The following DNAH9 variants were observed in gnomAD, a reference collection of about 807,000 sequenced individuals.
DNAH9 encodes the protein DNAH9 variant protein.
DNAH9 carries 345 observed loss-of-function variants against 471.6 expected under a neutral mutation model. The ratio of observed to expected loss-of-function variants is 0.73; its 90% CI spans 0.67 to 0.80. The LOEUF (loss-of-function observed/expected upper bound fraction) is 0.80, where lower values mean the gene tolerates loss of function less well. Among genes scored for constraint, DNAH9 ranks in the 30% least tolerant of loss-of-function variants. The probability of loss-of-function intolerance (pLI) is 0.00; values close to 1 mark genes in which losing one functional copy is unlikely to be tolerated. For missense variants in DNAH9, 5,407 were observed against 5,609.2 expected, an observed-to-expected ratio of 0.96 and a Z score of 1.15; for synonymous variants, 2,093 against 2,123.6, an observed-to-expected ratio of 0.99 and a Z score of 0.40.
At chr17:11,748,065 G>A (rs1348236626) in intron 32 of DNAH9, among the ~76,000 whole-genome samples, 6 of 147,558 alleles carry the variant, frequency 4.1e-5, no homozygotes, top group African/African-American at 1.2e-4. Context: ...AACACTTTGG[G>A]AAGCGGAGGT....
At chr17:11,877,879 C>T (rs928793344) in intron 53 of DNAH9, among the ~76,000 whole-genome samples, 2 of 152,062 alleles carry the variant, frequency 1.3e-5, no homozygotes, top group Admixed American at 6.5e-5. Context: ...GGATCACAGG[C>T]GTGTGCCACT....
At chr17:11,803,360 A>G (rs1305432234) in intron 43 of DNAH9, among the ~76,000 whole-genome samples, 1 of 151,656 alleles carries the variant, frequency 6.6e-6, no homozygotes, top group East Asian at 1.9e-4. Context: ...TGCCCTGAGA[A>G]TCTTACCCAT....
chr17:11,625,359 A>G (rs1295091135), intron 6 of DNAH9, among the ~76,000 whole-genome samples: 2 of 152,060 alleles, frequency 1.3e-5, no homozygotes, highest in Non-Finnish European at 2.9e-5. Context: ...TCTTTCTACC[A>G]TCTCCAGCCA....
chr17:11,737,697 G>A (rs941105564), intron 28 of DNAH9, among the ~76,000 whole-genome samples: 1 of 152,076 alleles, frequency 6.6e-6, no homozygotes, highest in Non-Finnish European at 1.5e-5. Flanking sequence ...TATCTGACTG[G>A]GCCAAGCTTC....
intron 19 of DNAH9, among the ~76,000 whole-genome samples, chr17:11,688,101 G>GAAAA (rs35919862): frequency 8.5e-6 from 1 of 117,244 alleles, no homozygotes. Flanking sequence ...AAAAAAAAAA[G>GAAAA]AAAAAGCCAT....
At chr17:11,649,258 T>C (rs1294279585) in intron 12 of DNAH9, among the ~76,000 whole-genome samples, 1 of 152,216 alleles carries the variant, frequency 6.6e-6, no homozygotes, top group South Asian at 2.1e-4. Context: ...ATGTAAATCA[T>C]TTAAATTATT....
chr17:11,669,401 A>G lies in DNAH9; in HGVS notation c.2960A>G (p.Asn987Ser). Reference protein sequence around the residue: ...VDLDGIPDLANMRRTLMERVQ... With the variant: ...VDLDGIPDLASMRRTLMERVQ... ...CTGGACGGTATACCAGATTTGGCAAACATGCGGCGCACACTCATGGAGAGA... is the reference window on the plus strand; with the variant it reads ...CTGGACGGTATACCAGATTTGGCAAGCATGCGGCGCACACTCATGGAGAGA... The change falls in exon 17 of 69, where the codon AAC becomes AGC. Residue 987 changes from asparagine to serine, a missense_variant. Physicochemically the swap from Asn to Ser is conservative, Grantham distance 46. Coordinates refer to ENST00000262442, the MANE Select transcript of DNAH9 (RefSeq NM_001372.4). 1 of 1,613,502 alleles carries G rather than the reference A, an allele frequency of 6.2e-7. No individual in the cohort carries two copies.
At chr17:11,806,917 T>C (rs1268364693) in intron 43 of DNAH9, among the ~76,000 whole-genome samples, 1 of 152,174 alleles carries the variant, frequency 6.6e-6, no homozygotes, top group Non-Finnish European at 1.5e-5. Context: ...GACATACGAT[T>C]GGAAGCGGAT....
At position 11,679,851 on chromosome 17, in the gene DNAH9, G is replaced by C. The variant is rs769014466; in HGVS notation, c.3448G>C (p.Gly1150Arg). Residue 1150 changes from glycine (G) to arginine (R), a missense_variant, in exon 18 of 69, where the codon GGA becomes CGA. Gly to Arg is a moderately radical substitution (Grantham distance 125, BLOSUM62 -2). Coordinates refer to ENST00000262442, the MANE Select transcript of DNAH9 (RefSeq NM_001372.4). ...GDFQGLVEIM[G>R]HLMAVKERQS... ...TTTCCAAGGCTTGGTTGAGATCATGGGACACCTTATGGCTGTTAAAGAACG... is the reference window on the plus strand; with the variant it reads ...TTTCCAAGGCTTGGTTGAGATCATGCGACACCTTATGGCTGTTAAAGAACG... The C allele has an allele frequency of 6.2e-7, 1 of 1,614,096 alleles. No individual in the cohort carries two copies. Among genetic ancestry groups the C allele is most frequent in the East Asian group, 2.2e-5 (1 of 44,868 alleles).
intron 15 of DNAH9, among the ~76,000 whole-genome samples, chr17:11,666,895 G>A (rs1437507435): frequency 6.6e-6 from 1 of 152,140 alleles, no homozygotes; most frequent in African/African-American, 2.4e-5. Flanking sequence ...CTATGACATT[G>A]TTGAGGGCAT....
chr17:11,642,903 GA>G (rs564751929), intron 10 of DNAH9, among the ~76,000 whole-genome samples: 24 of 148,770 alleles, frequency 1.6e-4, no homozygotes, highest in Middle Eastern at 3.4e-3. Context: ...TAATCAGGGG[GA>G]AAAAAAAACG....
At chr17:11,669,346 C>T (rs776764952) in intron 16 of DNAH9, 24 bp from the exon 17 acceptor site, 6 of 1,601,966 alleles carry the variant, frequency 3.7e-6, no homozygotes, top group Non-Finnish European at 5.1e-6. Flanking sequence ...GTGTAACCTG[C>T]CTGCCGTTGT....
chr17:11,606,188 A>G (rs899382035), intron 1 of DNAH9, among the ~76,000 whole-genome samples: 3 of 152,184 alleles, frequency 2.0e-5, no homozygotes, highest in African/African-American at 7.2e-5. Flanking sequence ...CAGACAGACC[A>G]GGCAAAGACC....
chr17:11,776,223 A>G lies in DNAH9; in HGVS notation c.7553-4786A>G, dbSNP rs182511243. On this transcript the variant is annotated intron_variant, in intron 38 of 68. Coordinates refer to ENST00000262442, the MANE Select transcript of DNAH9 (RefSeq NM_001372.4). The stretch of plus-strand genomic sequence containing the variant: ...AATATTCTGTTTTTTATAAGACAGG[A>G]ATTCTGAAGGTGGGCAGTTGCTAAT... Among the ~76,000 whole-genome samples the G allele has an allele frequency of 1.2e-4, 18 of 152,244 alleles. No individual in the cohort carries two copies. In the East Asian group the frequency reaches 3.3e-3, roughly 28 times the overall value.
In DNAH9 at chr17:11,719,495, A is replaced by C. The variant is rs909501197; in HGVS notation, c.5709+5A>C. 8.1e-6 allele frequency: 13 copies of C among 1,601,030 alleles called. No homozygotes were observed. Among genetic ancestry groups the C allele is most frequent in the Admixed American group, 1.7e-5 (1 of 59,590 alleles). On this transcript the variant is annotated splice_donor_5th_base_variant and intron_variant, in intron 27 of 68. Transcript: ENST00000262442. ...TCGGAGCAGATGGATTACAAGGTAC[A>C]GTTCCACCCGGCTTCCTGGGGGTGG...
Position 11,694,334 on chromosome 17 carries a change from G to A in DNAH9, c.4759G>A (p.Glu1587Lys). Reference protein sequence around the residue: ...EDIQGRLCLCEKALAEYLDTK... With the variant: ...EDIQGRLCLCKKALAEYLDTK... ...CTGTGCCCTCAGATTGTGCCTGTGT[G>A]AGAAGGCCCTGGCAGAGTACCTCGA... is the stretch of plus-strand genomic sequence containing the variant. The change falls in exon 22 of 69, where the codon GAG becomes AAG. Residue 1587 changes from glutamate (E) to lysine (K), a missense_variant. Glu to Lys is a moderately conservative substitution (Grantham distance 56). Transcript: ENST00000262442. The A allele has an allele frequency of 6.2e-7, 1 of 1,614,004 alleles. No individual in the cohort carries two copies. The highest frequency in any genetic ancestry group is 8.5e-7 in the Non-Finnish European group (1 of 1,179,992).
intron 14 of DNAH9, among the ~76,000 whole-genome samples, chr17:11,653,606 T>C (rs2073561658): frequency 6.6e-6 from 1 of 152,210 alleles, no homozygotes. Context: ...CAAGTAGCTA[T>C]AGGGCCATGT....
intron 67 of DNAH9, among the ~76,000 whole-genome samples, chr17:11,952,708 G>T (rs1276331027): frequency 1.3e-5 from 2 of 151,968 alleles, no homozygotes; most frequent in Admixed American, 1.3e-4. Context: ...TCCTAAAATG[G>T]CCTGTAGCCC....
At chr17:11,817,979 G>A (rs73977797) in intron 45 of DNAH9, among the ~76,000 whole-genome samples, 7,292 of 152,210 alleles carry the variant, frequency 0.048, 602 homozygotes, top group African/African-American at 0.17. Context: ...CATGAAGTCC[G>A]TAATTTGCTG....
Sources: allele counts gnomAD v4.1 joint callset (sites outside exome capture counted in the v4.1 genomes callset), GRCh38; gene constraint gnomAD v4.1.1; transcripts MANE v1.5; gene names NCBI Gene and HGNC (gene_info 2026-07-23, HGNC 2026-07-21).